The following B3GALT1 variants were observed in gnomAD, a reference collection of about 807,000 sequenced individuals.
B3GALT1 encodes the protein beta-1,3-galactosyltransferase 1.
B3GALT1 carries 10 observed loss-of-function variants against 23.2 expected under a neutral mutation model. The ratio of observed to expected loss-of-function variants is 0.43; its 90% CI spans 0.27 to 0.73. The LOEUF is 0.73. Ranked by LOEUF, B3GALT1 falls within the 30% of genes least tolerant of loss-of-function variation. The probability of loss-of-function intolerance (pLI) is 0.21; values close to 1 mark genes in which losing one functional copy is unlikely to be tolerated. For missense variants in B3GALT1, 299 were observed against 405.4 expected, an observed-to-expected ratio of 0.74 and a Z score of 2.25; for synonymous variants, 156 against 141.5, an observed-to-expected ratio of 1.10 and a Z score of -0.73.
At chr2:167,498,748 A>G (rs949570463) in intron 2 of B3GALT1, among the ~76,000 whole-genome samples, 13 of 152,086 alleles carry the variant, frequency 8.5e-5, no homozygotes, top group African/African-American at 3.1e-4. Context: ...AAAAGATGCA[A>G]TTCATATTCC....
At chr2:167,455,890 C>T (rs1439415357) in intron 1 of B3GALT1, among the ~76,000 whole-genome samples, 4 of 152,086 alleles carry the variant, frequency 2.6e-5, no homozygotes, top group African/African-American at 9.7e-5. Flanking sequence ...TAGAGTACAG[C>T]ATGTTTTAGT....
chr2:167,455,739 C>G (rs1022838327), intron 1 of B3GALT1, among the ~76,000 whole-genome samples: 2 of 152,180 alleles, frequency 1.3e-5, no homozygotes, highest in African/African-American at 4.8e-5. Context: ...TGTCCAACTC[C>G]TGACCTCAGG....
intron 2 of B3GALT1, among the ~76,000 whole-genome samples, chr2:167,491,901 ACACT>A (rs550377441): frequency 3.7e-4 from 56 of 152,262 alleles, no homozygotes; most frequent in Admixed American, 1.5e-3. Context: ...CGCTCAATCC[ACACT>A]CAGTTTTCAC....
At chr2:167,400,576 C>T (rs1698172272) in intron 1 of B3GALT1, among the ~76,000 whole-genome samples, 1 of 152,018 alleles carries the variant, frequency 6.6e-6, no homozygotes, top group Non-Finnish European at 1.5e-5. Context: ...CATGCCTAGA[C>T]CCTGAAGATA....
intron 2 of B3GALT1, among the ~76,000 whole-genome samples, chr2:167,512,444 T>C (rs1051118582): frequency 1.4e-4 from 21 of 149,300 alleles, no homozygotes; most frequent in African/African-American, 4.4e-4. Context: ...AAACCCACTT[T>C]TGTTTATGTT....
chr2:167,567,782 G>A (rs146269840), intron 2 of B3GALT1, among the ~76,000 whole-genome samples: 1 of 152,168 alleles, frequency 6.6e-6, no homozygotes, highest in East Asian at 1.9e-4. Context: ...CACTCTTGGT[G>A]TTGTACATCC....
chr2:167,389,910 AAAAAAAAAAAAAAAC>A lies in B3GALT1; in HGVS notation c.-511+96589_-511+96603del, dbSNP rs1307846340. 9.0e-5 allele frequency among the ~76,000 whole-genome samples: 10 copies of A among 111,150 alleles called. No individual in the cohort carries two copies. In the East Asian group the frequency reaches 2.4e-3, roughly 27 times the overall value. 72.9% of individuals were successfully genotyped at this position (111,150 alleles called of 152,430 possible). A position where few individuals can be genotyped will look rare whatever the true frequency, so the allele number is the denominator to read the frequency against. On this transcript the variant is annotated intron_variant, in intron 1 of 4. Transcript: ENST00000392690. ...TGGGTGACAGAGGGATACCCTGTCC[AAAAAAAAAAAAAAAC>A]AAAAAAAAAAAAGAAAGAAAAGAAA...
intron 4 of B3GALT1, among the ~76,000 whole-genome samples, chr2:167,866,787 A>G (rs1271158619): frequency 2.0e-5 from 3 of 152,216 alleles, no homozygotes; most frequent in Non-Finnish European, 2.9e-5. Flanking sequence ...GGACAGAGCA[A>G]TATAATGACA....
chr2:167,609,837 T>C (rs1017910619), intron 2 of B3GALT1, among the ~76,000 whole-genome samples: 25 of 152,036 alleles, frequency 1.6e-4, no homozygotes, highest in Non-Finnish European at 3.4e-4. Context: ...CCAACCACCA[T>C]GTTTACCACA....
At chr2:167,791,076 C>A (rs978256302) in intron 3 of B3GALT1, among the ~76,000 whole-genome samples, 1 of 152,168 alleles carries the variant, frequency 6.6e-6, no homozygotes, top group African/African-American at 2.4e-5. Flanking sequence ...CAAACACTTA[C>A]ACAGCGCTTC....
At chr2:167,727,746 A>G (rs1687341317) in intron 3 of B3GALT1, among the ~76,000 whole-genome samples, 1 of 152,184 alleles carries the variant, frequency 6.6e-6, no homozygotes, top group African/African-American at 2.4e-5. Context: ...TTATCAAGAC[A>G]TCTTTCTTAC....
intron 2 of B3GALT1, among the ~76,000 whole-genome samples, chr2:167,531,724 A>G (rs530568109): frequency 1.2e-4 from 19 of 152,320 alleles, no homozygotes; most frequent in Non-Finnish European, 2.2e-4. Flanking sequence ...GAGTCGTGTT[A>G]ACTATACTCT....
At chr2:167,604,298 A>G (rs944427576) in intron 2 of B3GALT1, among the ~76,000 whole-genome samples, 1 of 152,150 alleles carries the variant, frequency 6.6e-6, no homozygotes, top group Non-Finnish European at 1.5e-5. Context: ...TATAAAGCTC[A>G]TCAAAGATGA....
chr2:167,315,782 G>A (rs1303273376), intron 1 of B3GALT1, among the ~76,000 whole-genome samples: 1 of 152,120 alleles, frequency 6.6e-6, no homozygotes, highest in Non-Finnish European at 1.5e-5. Flanking sequence ...TATGCTGGGA[G>A]AGCTTTTGAA....
intron 4 of B3GALT1, among the ~76,000 whole-genome samples, chr2:167,847,875 C>G (rs904462448): frequency 1.3e-5 from 2 of 151,320 alleles, no homozygotes; most frequent in African/African-American, 4.9e-5. Flanking sequence ...AGAGAAAATC[C>G]AGATAACCTC....
In B3GALT1 at chr2:167,303,644, T is replaced by TACACACACACACAC. The variant is rs61323885; in HGVS notation, c.-511+10336_-511+10349dup. Among the ~76,000 whole-genome samples the TACACACACACACAC allele has an allele frequency of 4.1e-3, 597 of 144,978 alleles. 4 individuals carry two copies. The highest frequency in any genetic ancestry group is 0.015 in the African/African-American group (572 of 38,420). ...TCTCCTGCTCTTGGAAACACACACA[T>TACACACACACACAC]ACACACACACACACACACACACACA... On this transcript the variant is annotated intron_variant, in intron 1 of 4. Coordinates refer to ENST00000392690, the MANE Select transcript of B3GALT1 (RefSeq NM_020981.4).
chr2:167,822,509 T>C (rs1235037551), intron 4 of B3GALT1, among the ~76,000 whole-genome samples: 1 of 152,166 alleles, frequency 6.6e-6, no homozygotes, highest in Admixed American at 6.5e-5. Context: ...GGGATTCTGT[T>C]TGTTATTTAA....
intron 3 of B3GALT1, among the ~76,000 whole-genome samples, chr2:167,777,504 G>A (rs893552553): frequency 1.3e-5 from 2 of 151,980 alleles, no homozygotes; most frequent in Non-Finnish European, 2.9e-5. Context: ...CCACCACCAC[G>A]CCCAGCTAAT....
At chr2:167,617,704 A>G (rs1685185812) in intron 2 of B3GALT1, among the ~76,000 whole-genome samples, 1 of 152,082 alleles carries the variant, frequency 6.6e-6, no homozygotes, top group Non-Finnish European at 1.5e-5. Flanking sequence ...ATTTAGAACC[A>G]TAAGGAAAGT....
Sources: gnomAD v4.1 joint callset for allele counts (sites outside exome capture counted in the v4.1 genomes callset) on GRCh38, gnomAD v4.1.1 for gene constraint, MANE v1.5 for transcripts, NCBI Gene and HGNC (gene_info 2026-07-23, HGNC 2026-07-21) for gene names.